Variants in F2RL1 observed in about 807,000 individuals in gnomAD.
F2RL1 encodes F2R like trypsin receptor 1.
A neutral mutation model predicts 21.7 loss-of-function variants in F2RL1; 16 were observed. The ratio of observed to expected loss-of-function variants is 0.74; its 90% confidence interval spans 0.50 to 1.12. The LOEUF is 1.12. Ranked by LOEUF, F2RL1 falls within the 50% of genes most tolerant of loss-of-function variation. The pLI, the probability that F2RL1 is intolerant of heterozygous loss-of-function variation, is 0.00. For missense variants in F2RL1, 432 were observed against 477.8 expected, an observed-to-expected ratio of 0.90 and a Z score of 0.89; for synonymous variants, 181 against 186.7, an observed-to-expected ratio of 0.97 and a Z score of 0.25.
intron 1 of F2RL1, among the ~76,000 whole-genome samples, chr5:76,821,086 G>A (rs1750123966): frequency 6.6e-6 from 1 of 152,154 alleles, no homozygotes; most frequent in Non-Finnish European, 1.5e-5. Context: ...CCGATTTGGG[G>A]TTTGATTTTC....
intron 1 of F2RL1, among the ~76,000 whole-genome samples, chr5:76,829,367 G>T (rs1169739622): frequency 3.3e-5 from 5 of 151,638 alleles, no homozygotes; most frequent in Non-Finnish European, 2.9e-5. Flanking sequence ...AAAGTGCTGG[G>T]TATTGAAGGC....
chr5:76,832,463 T>TGATG (rs1185115659), intron 1 of F2RL1, among the ~76,000 whole-genome samples: 1 of 152,102 alleles, frequency 6.6e-6, no homozygotes, highest in Non-Finnish European at 1.5e-5. Flanking sequence ...TAGCTGGGTG[T>TGATG]GATGGTGTGT....
chr5:76,830,804 A>T (rs916449543), intron 1 of F2RL1, among the ~76,000 whole-genome samples: 1 of 152,122 alleles, frequency 6.6e-6, no homozygotes, highest in African/African-American at 2.4e-5. Context: ...ATCCCCCAAC[A>T]CTCCACCCAG....
rs1179600936 is a variant in F2RL1 at position 76,819,161 on chromosome 5, C to T, written c.-22C>T. 2 of 1,561,286 alleles carry T rather than the reference C, an allele frequency of 1.3e-6. No homozygotes were observed. Among genetic ancestry groups the T allele is most frequent in the East Asian group, 2.3e-5 (1 of 43,520 alleles). ...GGCGGCGGCGGATTCCCCGCGCGCCCGGCGTCGGGGCTTCCAGGAGGATGC... is the reference window on the plus strand; with the variant it reads ...GGCGGCGGCGGATTCCCCGCGCGCCTGGCGTCGGGGCTTCCAGGAGGATGC... On this transcript the variant is annotated 5_prime_UTR_variant, in exon 1 of 2. Transcript: ENST00000296677.
intron 1 of F2RL1, among the ~76,000 whole-genome samples, chr5:76,828,044 A>T (rs575897204): frequency 4.3e-4 from 66 of 151,804 alleles, no homozygotes; most frequent in Non-Finnish European, 8.4e-4. Flanking sequence ...ATCTTGGCTC[A>T]TTGCAACCTG....
intron 1 of F2RL1, 107 bp downstream of exon 1, chr5:76,819,371 C>T (rs957302885): frequency 2.2e-6 from 2 of 919,348 alleles, no homozygotes; most frequent in South Asian, 1.7e-5. Context: ...GTTCTGCTGC[C>T]GGCACCCATC....
At chr5:76,832,666 C>T (rs373909107) in intron 1 of F2RL1, 24 bp from the exon 2 acceptor site, 6 of 1,563,038 alleles carry the variant, frequency 3.8e-6, no homozygotes, top group African/African-American at 1.4e-5. Context: ...TCTGTAATGA[C>T]CCTTGTCTTC....
At chr5:76,824,160 C>CA (rs1491341962) in intron 1 of F2RL1, among the ~76,000 whole-genome samples, 4 of 15,700 alleles carry the variant, frequency 2.5e-4, no homozygotes, top group African/African-American at 5.4e-4. Flanking sequence ...CCCCACCACA[C>CA]CCCCCCCCCC....
At chr5:76,822,109 C>G (rs113454603) in intron 1 of F2RL1, among the ~76,000 whole-genome samples, 1,831 of 152,250 alleles carry the variant, frequency 0.012, 49 homozygotes, top group African/African-American at 0.042. Context: ...TATATAAGCA[C>G]ATCAGTATCA....
intron 1 of F2RL1, among the ~76,000 whole-genome samples, chr5:76,820,178 T>C (rs1750105909): frequency 6.6e-6 from 1 of 152,142 alleles, no homozygotes. Context: ...GCTCCGGGTG[T>C]GCTCGAACTT....
In F2RL1 at chr5:76,832,994, C is replaced by G. The variant is rs1252284411; in HGVS notation, c.387C>G (p.Pro129=). 1 of 1,614,206 alleles carries G rather than the reference C, an allele frequency of 6.2e-7. No individual in the cohort carries two copies. Among genetic ancestry groups the G allele is most frequent in the Non-Finnish European group, 8.5e-7 (1 of 1,180,016 alleles). ...LADLLSVIWF[P]LKIAYHIHGN... is the part of the protein sequence containing the mutation. Reference sequence around the variant, plus strand: ...ACCTCCTCTCTGTCATCTGGTTCCCCTTGAAGATTGCCTATCACATACATG... The same window carrying G: ...ACCTCCTCTCTGTCATCTGGTTCCCGTTGAAGATTGCCTATCACATACATG... The change falls in exon 2 of 2, where the codon CCC becomes CCG. Residue 129 remains proline (P), a synonymous_variant. Coordinates refer to ENST00000296677, the MANE Select transcript of F2RL1 (RefSeq NM_005242.6).
chr5:76,820,554 GAA>G (rs1281030786), intron 1 of F2RL1, among the ~76,000 whole-genome samples: 2 of 152,002 alleles, frequency 1.3e-5, no homozygotes, highest in African/African-American at 4.8e-5. Flanking sequence ...AGGAAGTATT[GAA>G]AACTGTAATG....
At chr5:76,830,664 A>T (rs1320059657) in intron 1 of F2RL1, among the ~76,000 whole-genome samples, 1 of 152,176 alleles carries the variant, frequency 6.6e-6, no homozygotes, top group Non-Finnish European at 1.5e-5. Flanking sequence ...AGGATCCTTA[A>T]TTCTATCTGC....
At chr5:76,823,721 AAGG>A (rs1750184792) in intron 1 of F2RL1, among the ~76,000 whole-genome samples, 1 of 151,910 alleles carries the variant, frequency 6.6e-6, no homozygotes, top group East Asian at 1.9e-4. Flanking sequence ...ATAGGAATAG[AAGG>A]AGCATACCGT....
chr5:76,829,262 T>C (rs1318372022), intron 1 of F2RL1, among the ~76,000 whole-genome samples: 1 of 35,286 alleles, frequency 2.8e-5, no homozygotes, highest in Non-Finnish European at 6.3e-5. Context: ...TTCTTCTTCT[T>C]CTTTTTTTTT....
rs1023238197 is a variant in F2RL1, at chr5:76,832,605, A to G, written c.83-85A>G. On this transcript the variant is annotated intron_variant, in intron 1 of 1. Coordinates refer to ENST00000296677, the MANE Select transcript of F2RL1 (RefSeq NM_005242.6). ...GTCTCATAAATTAAAAAATGAATAAATGAATGTACTTTCATTTGAACAAAC... is the reference window on the plus strand; with the variant it reads ...GTCTCATAAATTAAAAAATGAATAAGTGAATGTACTTTCATTTGAACAAAC... 8 of 1,313,860 alleles carry G rather than the reference A, an allele frequency of 6.1e-6. No homozygotes were observed. The African/African-American group carries it at 1.0e-4, about 17-fold the overall frequency. The allele number at this position is 1,313,860 out of a possible 1,614,324, so 81.4% of individuals were successfully genotyped here. A position where few individuals can be genotyped will look rare whatever the true frequency, so the allele number is the denominator to read the frequency against.
rs185549069 is a variant in F2RL1 at position 76,832,915 on chromosome 5, G to A, written c.308G>A (p.Arg103Gln). 63 of 1,614,158 alleles carry A rather than the reference G, an allele frequency of 3.9e-5. No homozygotes were observed. The highest frequency in any genetic ancestry group is 3.3e-4 in the Middle Eastern group (2 of 6,062). The change falls in exon 2 of 2, where the codon CGA becomes CAA. Residue 103 changes from arginine to glutamine, a missense_variant. Transcript: ENST00000296677. ...ATGGCCCTGTGGGTCTTTCTTTTCC[G>A]AACTAAGAAGAAGCACCCTGCTGTG... is the stretch of plus-strand genomic sequence containing the variant. ...NGMALWVFLF[R>Q]TKKKHPAVIY...
chr5:76,833,965 T>A lies in F2RL1; in HGVS notation c.*164T>A. ...AGCTCCCCTGTTTGCATGAGAAAAG[T>A]AGTCCCCCAAATTAACATCAGTGTC... On this transcript the variant is annotated 3_prime_UTR_variant, in exon 2 of 2. Coordinates refer to ENST00000296677, the MANE Select transcript of F2RL1 (RefSeq NM_005242.6). 1 of 656,936 alleles carries A rather than the reference T, an allele frequency of 1.5e-6. No homozygotes were observed. Among genetic ancestry groups the A allele is most frequent in the Non-Finnish European group, 2.5e-6 (1 of 398,702 alleles). The allele number at this position is 656,936 out of a possible 1,614,324, so 40.7% of individuals were successfully genotyped here. A position where few individuals can be genotyped will look rare whatever the true frequency, so the allele number is the denominator to read the frequency against.
chr5:76,825,251 C>T (rs1016087414), intron 1 of F2RL1, among the ~76,000 whole-genome samples: 18 of 151,928 alleles, frequency 1.2e-4, no homozygotes, highest in South Asian at 6.2e-4. Flanking sequence ...AGGATCCACC[C>T]GCCTCGGCCT....
Sources: gnomAD v4.1 joint callset for allele counts (sites outside exome capture counted in the v4.1 genomes callset) on GRCh38, gnomAD v4.1.1 for gene constraint, MANE v1.5 for transcripts, NCBI Gene and HGNC (gene_info 2026-07-23, HGNC 2026-07-21) for gene names.